The following ESCO1 variants were observed in gnomAD, a reference collection of about 807,000 sequenced individuals.
ESCO1 encodes the protein establishment of sister chromatid cohesion N-acetyltransferase 1.
A neutral mutation model predicts 83.5 loss-of-function variants in ESCO1; 33 were observed. The observed-to-expected ratio is 0.40, with a 90% CI of 0.30 to 0.53. The LOEUF is 0.53. Among genes scored for constraint, ESCO1 ranks in the 20% least tolerant of loss-of-function variants. The pLI, the probability that ESCO1 is intolerant of heterozygous loss-of-function variation, is 0.63. For missense variants in ESCO1, 855 were observed against 968.0 expected, an observed-to-expected ratio of 0.88 and a Z score of 1.55; for synonymous variants, 332 against 324.3, an observed-to-expected ratio of 1.02 and a Z score of -0.25.
chr18:21,587,421 A>C (rs1450990989), intron 1 of ESCO1, among the ~76,000 whole-genome samples: 1 of 152,062 alleles, frequency 6.6e-6, no homozygotes, highest in African/African-American at 2.4e-5. Flanking sequence ...TTTTTATTCA[A>C]TCTCTTTGTT....
chr18:21,545,792 T>C (rs2037966393), intron 8 of ESCO1, among the ~76,000 whole-genome samples: 1 of 151,254 alleles, frequency 6.6e-6, no homozygotes, highest in South Asian at 2.1e-4. Flanking sequence ...TAGCTGAGCA[T>C]GTGGCGCACG....
chr18:21,566,765 CAGG>C (rs1016281202), intron 5 of ESCO1, among the ~76,000 whole-genome samples: 2 of 151,104 alleles, frequency 1.3e-5, no homozygotes, highest in African/African-American at 4.9e-5. Context: ...GAGGCTGAGG[CAGG>C]AGAACTGCTC....
chr18:21,600,140 G>A (rs1431412614), intron 1 of ESCO1, among the ~76,000 whole-genome samples: 1 of 152,242 alleles, frequency 6.6e-6, no homozygotes, highest in African/African-American at 2.4e-5. Context: ...TCAGCGGGTT[G>A]CGCCAGGAGG....
chr18:21,589,018 G>A (rs1412929760), intron 1 of ESCO1, among the ~76,000 whole-genome samples: 1 of 152,114 alleles, frequency 6.6e-6, no homozygotes, highest in African/African-American at 2.4e-5. Flanking sequence ...GAGGTGGGCA[G>A]GTCACCTGAG....
chr18:21,540,157 A>G, intron 8 of ESCO1, 148 bp from the exon 9 acceptor site: 1 of 720,018 alleles, frequency 1.4e-6, no homozygotes, highest in Non-Finnish European at 2.2e-6. Context: ...AATGCTTAAT[A>G]AAGCATGATA....
chr18:21,594,648 G>A (rs542571961), intron 1 of ESCO1, among the ~76,000 whole-genome samples: 12 of 151,082 alleles, frequency 7.9e-5, no homozygotes, highest in Admixed American at 1.3e-4. Context: ...AGCTTGCAGT[G>A]AGCTGAGATC....
At chr18:21,538,362 C>G (rs926032828) in intron 9 of ESCO1, among the ~76,000 whole-genome samples, 1 of 151,350 alleles carries the variant, frequency 6.6e-6, no homozygotes, top group South Asian at 2.1e-4. Flanking sequence ...AACTACTACA[C>G]TGTTCGTGGG....
intron 4 of ESCO1, among the ~76,000 whole-genome samples, chr18:21,572,625 G>A (rs961000400): frequency 6.6e-6 from 1 of 152,036 alleles, no homozygotes; most frequent in Non-Finnish European, 1.5e-5. Context: ...TAGGAAAAAA[G>A]GCTGATTAGT....
At chr18:21,592,429 T>C (rs1398165375) in intron 1 of ESCO1, among the ~76,000 whole-genome samples, 2 of 138,542 alleles carry the variant, frequency 1.4e-5, no homozygotes, top group African/African-American at 5.5e-5. Flanking sequence ...GGCGGGGGGC[T>C]GACCCCCCCA....
At position 21,540,680 on chromosome 18, in the gene ESCO1, G is replaced by A. The variant is rs572195801; in HGVS notation, c.1954-671C>T. 4.1e-5 allele frequency: 53 copies of A among 1,308,244 alleles called. No homozygotes were observed. The South Asian group carries it at 4.6e-4, about 11-fold the overall frequency. The allele number at this position is 1,308,244 out of a possible 1,614,324, so 81.0% of individuals were successfully genotyped here. On this transcript the variant is annotated intron_variant, in intron 8 of 11. Transcript: ENST00000269214. ...TAAACTCTTCTTCAGATCCACACTC[G>A]TGGTGATTAATGAGCAGAACCTGCA...
At chr18:21,530,535 T>C in intron 11 of ESCO1, 45 bp from the exon 12 acceptor site, 1 of 1,342,472 alleles carries the variant, frequency 7.4e-7, no homozygotes, top group South Asian at 1.4e-5. Flanking sequence ...GTGTGAAATG[T>C]TAAAAAAAAA....
chr18:21,590,777 C>G (rs968797526), intron 1 of ESCO1, among the ~76,000 whole-genome samples: 4 of 151,658 alleles, frequency 2.6e-5, no homozygotes, highest in Non-Finnish European at 5.9e-5. Flanking sequence ...AAGAAACCAT[C>G]TCTACTAAAA....
intron 1 of ESCO1, among the ~76,000 whole-genome samples, chr18:21,597,890 A>G (rs756456467): frequency 2.6e-5 from 4 of 152,214 alleles, no homozygotes; most frequent in Non-Finnish European, 5.9e-5. Flanking sequence ...AAGACAAGAC[A>G]TGATGGCTGG....
intron 2 of ESCO1, among the ~76,000 whole-genome samples, chr18:21,581,167 T>C (rs1353083368): frequency 6.6e-6 from 1 of 151,736 alleles, no homozygotes; most frequent in Non-Finnish European, 1.5e-5. Context: ...AAAAAAATTA[T>C]CTGGGCGTGG....
chr18:21,555,107 CTAAA>C (rs924950100), intron 8 of ESCO1, among the ~76,000 whole-genome samples: 12 of 151,796 alleles, frequency 7.9e-5, no homozygotes, highest in South Asian at 4.2e-4. Flanking sequence ...AACTAACTAA[CTAAA>C]TAAAGACATG....
chr18:21,555,952 C>T (rs1334013571), intron 8 of ESCO1, among the ~76,000 whole-genome samples: 2 of 151,858 alleles, frequency 1.3e-5, no homozygotes, highest in Admixed American at 6.6e-5. Flanking sequence ...ACAGCAAAAC[C>T]CTGTCTCAAA....
chr18:21,534,536 C>A (rs1393008991), intron 10 of ESCO1, among the ~76,000 whole-genome samples: 1 of 152,076 alleles, frequency 6.6e-6, no homozygotes, highest in African/African-American at 2.4e-5. Flanking sequence ...TACATGATTC[C>A]ATTGTTTGTT....
At chr18:21,541,010 A>T (rs1366769193) in intron 8 of ESCO1, among the ~76,000 whole-genome samples, 1 of 152,154 alleles carries the variant, frequency 6.6e-6, no homozygotes, top group African/African-American at 2.4e-5. Flanking sequence ...GTGAAAGCAG[A>T]TTCGTTTTCT....
rs139265847 is a variant in ESCO1, at chr18:21,574,439, C to T, written c.405G>A (p.Ser135=). Residue 135 remains serine (S), a synonymous_variant, in exon 4 of 12, where the codon TCG becomes TCA. Coordinates refer to ENST00000269214, the MANE Select transcript of ESCO1 (RefSeq NM_052911.3). ...GACCCTGAATTTCTCTACTGCGTAA[C>T]GACCTTCTTGAAACCTCTGTTAATT... ...LQQLTEVSRR[S]LRSREIQGQV... 1.2e-5 allele frequency: 19 copies of T among 1,613,980 alleles called. No individual in the cohort carries two copies. The highest frequency in any genetic ancestry group is 1.6e-4 in the Middle Eastern group (1 of 6,084).
Sources: gnomAD v4.1 joint callset for allele counts (sites outside exome capture counted in the v4.1 genomes callset) on GRCh38, gnomAD v4.1.1 for gene constraint, MANE v1.5 for transcripts, NCBI Gene and HGNC (gene_info 2026-07-23, HGNC 2026-07-21) for gene names.